Variants in BLTP2 observed in about 807,000 individuals in gnomAD.
BLTP2 encodes U937-associated antigen.
the BLTP2 span, chr17:28,633,337 G>C: frequency 5.6e-6 from 9 of 1,613,992 alleles, no homozygotes; most frequent in Non-Finnish European, 5.1e-6. Flanking sequence ...AAACTGACCA[G>C]GTTTCCAATG....
chr17:28,635,025 C>T, the BLTP2 span: 1 of 1,613,366 alleles, frequency 6.2e-7, no homozygotes, highest in South Asian at 1.1e-5. Context: ...AAGCACGAGT[C>T]CCTTGATGTA....
chr17:28,645,108 C>G, the BLTP2 span: 3 of 1,517,944 alleles, frequency 2.0e-6, no homozygotes, highest in African/African-American at 1.4e-5. Flanking sequence ...TGCCGGGCCC[C>G]GACGCCGGAT....
chr17:28,638,669 T>C, the BLTP2 span: 2 of 1,380,260 alleles, frequency 1.4e-6, no homozygotes, highest in Non-Finnish European at 1.0e-6. Flanking sequence ...CATCATTGTT[T>C]GGTAAGAAAA....
chr17:28,635,406 C>G, the BLTP2 span: 79 of 1,614,176 alleles, frequency 4.9e-5, no homozygotes, highest in East Asian at 1.7e-3. Context: ...GGTTTAGCAG[C>G]CGCTTTGGGG....
the BLTP2 span, among the ~76,000 whole-genome samples, chr17:28,632,691 C>T: frequency 6.6e-6 from 1 of 152,032 alleles, no homozygotes; most frequent in African/African-American, 2.4e-5. Context: ...TTCAAGCCTC[C>T]AGAACTGTGA....
At chr17:28,619,659 G>A in the BLTP2 span, 412 of 1,613,660 alleles carry the variant, frequency 2.6e-4, 1 homozygote, top group Admixed American at 2.5e-3. Context: ...GGCACCTGAT[G>A]AGGATATTCA....
chr17:28,628,412 G>C, the BLTP2 span: 1 of 1,614,170 alleles, frequency 6.2e-7, no homozygotes, highest in East Asian at 2.2e-5. Flanking sequence ...TCAGTAGAAA[G>C]ATTACGTTTG....
chr17:28,644,614 T>C, the BLTP2 span, among the ~76,000 whole-genome samples: 1 of 152,176 alleles, frequency 6.6e-6, no homozygotes, highest in Admixed American at 6.5e-5. Flanking sequence ...GCAGCTCGAA[T>C]GCTGTTCTCC....
the BLTP2 span, chr17:28,628,275 C>T: frequency 2.1e-5 from 34 of 1,614,020 alleles, no homozygotes; most frequent in South Asian, 3.5e-4. Flanking sequence ...CTCCTGATGA[C>T]CCCTTATCAG....
chr17:28,617,225 G>T, the BLTP2 span: 1 of 1,610,570 alleles, frequency 6.2e-7, no homozygotes, highest in South Asian at 1.1e-5. Context: ...GGGGAAAAAA[G>T]ACTTGCCTTA....
At chr17:28,637,966 G>A in the BLTP2 span, 2 of 1,614,076 alleles carry the variant, frequency 1.2e-6, no homozygotes, top group South Asian at 2.2e-5. Context: ...GACCCATCAG[G>A]GATAAGATAC....
At chr17:28,635,416 G>A in the BLTP2 span, 6 of 1,614,188 alleles carry the variant, frequency 3.7e-6, no homozygotes, top group Non-Finnish European at 5.1e-6. Flanking sequence ...CCGCTTTGGG[G>A]GTAATGGCTC....
chr17:28,624,046 G>A, the BLTP2 span: 1 of 1,404,126 alleles, frequency 7.1e-7, no homozygotes, highest in Non-Finnish European at 9.9e-7. Context: ...ACTGCAGCTA[G>A]GTCTAATGCT....
chr17:28,623,715 G>A, the BLTP2 span: 22 of 1,521,066 alleles, frequency 1.4e-5, no homozygotes, highest in Middle Eastern at 1.7e-4. Flanking sequence ...GAAAGTCTAC[G>A]GAAAACCAGG....
At chr17:28,622,098 CG>C in the BLTP2 span, among the ~76,000 whole-genome samples, 4 of 151,838 alleles carry the variant, frequency 2.6e-5, no homozygotes, top group Non-Finnish European at 5.9e-5. Flanking sequence ...CTGAGGGGGG[CG>C]GGGGGAAAGA....
At chr17:28,631,438 T>C in the BLTP2 span, 1 of 1,563,220 alleles carries the variant, frequency 6.4e-7, no homozygotes, top group Non-Finnish European at 8.8e-7. Flanking sequence ...AGATACCTAC[T>C]AATATAAATA....
At chr17:28,634,572 T>G in the BLTP2 span, 15 of 1,614,174 alleles carry the variant, frequency 9.3e-6, no homozygotes, top group Non-Finnish European at 1.3e-5. Context: ...TGACAAGATC[T>G]AATCCCTCAG....
At chr17:28,633,182 C>T in the BLTP2 span, 1 of 1,588,008 alleles carries the variant, frequency 6.3e-7, no homozygotes, top group Non-Finnish European at 8.6e-7. Flanking sequence ...AATGGAACCC[C>T]AGCCCTCAGT....
chr17:28,638,379 C>T, the BLTP2 span: 6 of 1,614,002 alleles, frequency 3.7e-6, no homozygotes, highest in African/African-American at 1.3e-5. Flanking sequence ...TAGGACGCCC[C>T]GCTGATGGAT....
Sources: allele counts gnomAD v4.1 joint callset (sites outside exome capture counted in the v4.1 genomes callset), GRCh38; gene constraint gnomAD v4.1.1; transcripts MANE v1.5; gene names NCBI Gene and HGNC (gene_info 2026-07-23, HGNC 2026-07-21).